Variants in EXOC3L4 observed in about 807,000 individuals in gnomAD.
EXOC3L4 encodes the protein exocyst complex component 3-like protein 4.
In EXOC3L4, 62 loss-of-function variants were observed where a neutral mutation model predicts 69.7. The ratio of observed to expected loss-of-function variants is 0.89; its 90% confidence interval spans 0.72 to 1.10. EXOC3L4 has a LOEUF of 1.10. Ranked by LOEUF, EXOC3L4 falls within the 50% of genes least tolerant of loss-of-function variation. The pLI, the probability that EXOC3L4 is intolerant of heterozygous loss-of-function variation, is 0.00. For missense variants in EXOC3L4, 1,087 were observed against 1,034.8 expected, an observed-to-expected ratio of 1.05 and a Z score of -0.69; for synonymous variants, 502 against 464.2, an observed-to-expected ratio of 1.08 and a Z score of -1.05.
intron 7 of EXOC3L4, 94 bp downstream of exon 7, chr14:103,105,166 A>G: frequency 1.6e-6 from 2 of 1,251,150 alleles, no homozygotes; most frequent in Non-Finnish European, 2.2e-6. Context: ...GCGCGCGTGG[A>G]GGGGGCAGAG....
intron 10 of EXOC3L4, 70 bp from the exon 11 acceptor site, chr14:103,108,326 G>C (rs1890696879): frequency 3.8e-6 from 6 of 1,582,020 alleles, no homozygotes; most frequent in Admixed American, 1.7e-5. Context: ...CACTGACCTC[G>C]CGCTCTTGCA....
chr14:103,104,422 G>C, intron 5 of EXOC3L4, 33 bp downstream of exon 5: 1 of 1,523,836 alleles, frequency 6.6e-7, no homozygotes, highest in African/African-American at 1.4e-5. Flanking sequence ...GAGAAGGGGC[G>C]TCTGTTCAAG....
At chr14:103,106,677 G>A (rs1243478978) in intron 7 of EXOC3L4, 108 bp from the exon 8 acceptor site, 1 of 642,196 alleles carries the variant, frequency 1.6e-6, no homozygotes, top group Non-Finnish European at 2.6e-6. Context: ...GGAGCCCCAC[G>A]GGCTGCCCTT....
chr14:103,108,591 C>T (rs1375357145), intron 11 of EXOC3L4, 74 bp downstream of exon 11: 2 of 1,560,392 alleles, frequency 1.3e-6, no homozygotes, highest in African/African-American at 1.4e-5. Flanking sequence ...TGGAGCAACC[C>T]CAGCCCAGAC....
In EXOC3L4 at chr14:103,100,420, G is replaced by A; in HGVS notation, c.201G>A (p.Gln67=). ...GGGCCAGCCAGCGGGCTTTGACCCAGGTCTCCAAGGAAGATACGGGCCTGT... is the reference window on the plus strand; with the variant it reads ...GGGCCAGCCAGCGGGCTTTGACCCAAGTCTCCAAGGAAGATACGGGCCTGT... The part of the protein sequence containing the change: ...FSRASQRALT[Q]VSKEDTGLFR... The change falls in exon 2 of 12, where the codon CAG becomes CAA. Residue 67 remains glutamine, a synonymous_variant. Transcript: ENST00000688303. 6.2e-7 allele frequency: 1 copy of A among 1,612,988 alleles called. No homozygotes were observed. Among genetic ancestry groups the A allele is most frequent in the Non-Finnish European group, 8.5e-7 (1 of 1,179,726 alleles).
rs148718670 is a variant in EXOC3L4, at chr14:103,108,478, G to C, written c.1937G>C (p.Arg646Pro). 6.2e-7 allele frequency: 1 copy of C among 1,613,812 alleles called. No individual in the cohort carries two copies. The highest frequency in any genetic ancestry group is 1.1e-5 in the South Asian group (1 of 91,084). Residue 646 changes from arginine (R) to proline (P), a missense_variant, in exon 11 of 12, where the codon CGG becomes CCG. Transcript: ENST00000688303. ...LGETYKDDIQ[R>P]HLETLIRSYP... ...GAGACCTACAAAGATGACATCCAGC[G>C]GCACCTGGAGACTCTTATCCGGAGC...
rs10142287 is a variant in EXOC3L4 at position 103,102,410 on chromosome 14, C to A, written c.687C>A (p.Pro229=). The A allele has an allele frequency of 1.3e-5, 20 of 1,532,932 alleles. No homozygotes were observed. The highest frequency in any genetic ancestry group is 2.5e-5 in the East Asian group (1 of 39,336). The allele number at this position is 1,532,932 out of a possible 1,614,324, so 95.0% of individuals were successfully genotyped here. The change falls in exon 3 of 12, where the codon CCC becomes CCA. Residue 229 remains proline, a synonymous_variant. Coordinates refer to ENST00000688303, the MANE Select transcript of EXOC3L4 (RefSeq NM_001077594.2). ...SAEEEAHPSP[P]DDGDFLRTPR... ...AGGAGGAAGCCCACCCTTCTCCCCC[C>A]GACGACGGCGACTTCCTGCGCACGC...
Position 103,102,614 on chromosome 14 carries a change from G to A in EXOC3L4, c.891G>A (p.Val297=), listed in dbSNP as rs780428527. 5.3e-6 allele frequency: 8 copies of A among 1,499,288 alleles called. No homozygotes were observed. The highest frequency in any genetic ancestry group is 1.3e-5 in the South Asian group (1 of 79,164). The allele number at this position is 1,499,288 out of a possible 1,614,324, so 92.9% of individuals were successfully genotyped here. A position where few individuals can be genotyped will look rare whatever the true frequency, so the allele number is the denominator to read the frequency against. ...RRDLQKVRQE[V]QPAYAAAGFP... ...ACCTGCAGAAGGTGCGGCAGGAGGT[G>A]CAGCCCGCGTATGCGGCGGCCGGCT... The change falls in exon 3 of 12, where the codon GTG becomes GTA. Residue 297 remains valine, a synonymous_variant. Transcript: ENST00000688303.
chr14:103,096,190 C>G (rs1312286663), intron 1 of EXOC3L4, among the ~76,000 whole-genome samples: 1 of 150,932 alleles, frequency 6.6e-6, no homozygotes, highest in Non-Finnish European at 1.5e-5. Context: ...CCTGTCTCTA[C>G]AAAAAATATA....
Position 103,102,568 on chromosome 14 carries a change from T to A in EXOC3L4, c.845T>A (p.Leu282Gln). The change falls in exon 3 of 12, where the codon CTG becomes CAG. Residue 282 changes from leucine (L) to glutamine (Q), a missense_variant. Coordinates refer to ENST00000688303, the MANE Select transcript of EXOC3L4 (RefSeq NM_001077594.2). ...GGTTTGGCCCAGCTTCTGGCCGAGC[T>A]GGGTGGCTTGGTTCGCCGCGACCTG... ...ASGLAQLLAE[L>Q]GGLVRRDLQK... 3 of 1,453,804 alleles carry A rather than the reference T, an allele frequency of 2.1e-6. No individual in the cohort carries two copies. Among genetic ancestry groups the A allele is most frequent in the Non-Finnish European group, 2.7e-6 (3 of 1,106,142 alleles). The allele number at this position is 1,453,804 out of a possible 1,614,324, so 90.1% of individuals were successfully genotyped here. A position where few individuals can be genotyped will look rare whatever the true frequency, so the allele number is the denominator to read the frequency against.
At position 103,102,387 on chromosome 14, in the gene EXOC3L4, G is replaced by A. The variant is rs1168084728; in HGVS notation, c.664G>A (p.Glu222Lys). 6.4e-7 allele frequency: 1 copy of A among 1,556,876 alleles called. No homozygotes were observed. Among genetic ancestry groups the A allele is most frequent in the Non-Finnish European group, 8.6e-7 (1 of 1,158,586 alleles). The change falls in exon 3 of 12, where the codon GAG (glutamate) becomes AAG (lysine). Residue 222 changes from glutamate (E) to lysine (K), a missense_variant. By Grantham distance (56) the Glu-to-Lys change is moderately conservative. Transcript: ENST00000688303. ...AELARVVSAE[E>K]EAHPSPPDDG... Reference sequence around the variant, plus strand: ...GCTGGCCCGCGTGGTGAGCGCGGAGGAGGAAGCCCACCCTTCTCCCCCCGA... The same window carrying A: ...GCTGGCCCGCGTGGTGAGCGCGGAGAAGGAAGCCCACCCTTCTCCCCCCGA...
chr14:103,101,069 A>AT (rs139660483), intron 2 of EXOC3L4, among the ~76,000 whole-genome samples: 33,417 of 147,534 alleles, frequency 0.23, 3,842 homozygotes, highest in South Asian at 0.28. Context: ...CACCTGGTTA[A>AT]TTTTTTTTTT....
intron 1 of EXOC3L4, among the ~76,000 whole-genome samples, chr14:103,099,207 C>G (rs530202430): frequency 2.6e-5 from 4 of 152,310 alleles, no homozygotes; most frequent in South Asian, 4.1e-4. Context: ...TGCCCTCCCC[C>G]ACCCATGGCC....
chr14:103,101,666 G>A (rs1890191528), intron 2 of EXOC3L4, among the ~76,000 whole-genome samples: 1 of 152,234 alleles, frequency 6.6e-6, no homozygotes, highest in Non-Finnish European at 1.5e-5. Context: ...GTGGGAAGAG[G>A]GGGACATGGA....
chr14:103,105,178 TGAG>T, intron 7 of EXOC3L4, 106 bp downstream of exon 7: 1 of 1,122,100 alleles, frequency 8.9e-7, no homozygotes, highest in Non-Finnish European at 1.3e-6. Context: ...GGGGCAGAGG[TGAG>T]GAGTGTGTGT....
chr14:103,097,457 C>T lies in EXOC3L4; in HGVS notation c.-17+2617C>T, dbSNP rs758299751. Among the ~76,000 whole-genome samples, 3 of 152,024 alleles carry T rather than the reference C, an allele frequency of 2.0e-5. No homozygotes were observed. Among genetic ancestry groups the T allele is most frequent in the African/African-American group, 2.4e-5 (1 of 41,364 alleles). On this transcript the variant is annotated intron_variant, in intron 1 of 11. Transcript: ENST00000688303. The surrounding 1 kb of genome is among the most constrained non-coding windows in gnomAD (Gnocchi z 4.9). ...GAGGCAGGCACAGGGACAGGCCAGG[C>T]GAGAGCCTTGGGAGGTGGAGGGGGG...
At chr14:103,103,642 C>G in intron 3 of EXOC3L4, 1 of 366,418 alleles carries the variant, frequency 2.7e-6, no homozygotes, top group Non-Finnish European at 4.9e-6. Flanking sequence ...CTCCGTGCTG[C>G]GGGTTGGAGG....
intron 3 of EXOC3L4, 150 bp from the exon 4 acceptor site, chr14:103,103,791 C>CGTGTGTGT (rs759189510): frequency 8.9e-5 from 41 of 459,234 alleles, no homozygotes; most frequent in African/African-American, 8.1e-4. Context: ...CCTAGAGGCG[C>CGTGTGTGT]GCGCGCGTGT....
At chr14:103,107,858 C>G in intron 10 of EXOC3L4, 75 bp downstream of exon 10, 1 of 1,432,794 alleles carries the variant, frequency 7.0e-7, no homozygotes, top group Non-Finnish European at 9.2e-7. Flanking sequence ...GCCTTAGCGC[C>G]GGGAGGGCTT....
Sources: gnomAD v4.1 joint callset for allele counts (sites outside exome capture counted in the v4.1 genomes callset) on GRCh38, gnomAD v4.1.1 for gene constraint, Gnocchi (gnomAD v3.1) non-coding constraint, MANE v1.5 for transcripts, NCBI Gene and HGNC (gene_info 2026-07-23, HGNC 2026-07-21) for gene names.